The following ASXL3 variants were observed in gnomAD, a reference collection of about 807,000 sequenced individuals.
The protein encoded by ASXL3 is putative Polycomb group protein ASXL3.
Under a neutral mutation model 170.6 loss-of-function variants are expected in ASXL3, and 34 were observed. That is an observed-to-expected ratio of 0.20 (90% CI 0.15 to 0.27). ASXL3 has a LOEUF of 0.27. ASXL3 is among the 10% of genes least tolerant of loss of function. ASXL3 has a pLI of 1.00. For missense variants in ASXL3, 2,592 were observed against 2,695.3 expected, an observed-to-expected ratio of 0.96 and a Z score of 0.85; for synonymous variants, 1,002 against 989.1, an observed-to-expected ratio of 1.01 and a Z score of -0.24.
chr18:33,635,770 A>G (rs1007761088), intron 2 of ASXL3, among the ~76,000 whole-genome samples: 1 of 152,214 alleles, frequency 6.6e-6, no homozygotes, highest in Non-Finnish European at 1.5e-5. Context: ...TGGTATATAG[A>G]GTCCTTCACA....
At chr18:33,671,462 C>T (rs376348186) in intron 6 of ASXL3, among the ~76,000 whole-genome samples, 1 of 152,102 alleles carries the variant, frequency 6.6e-6, no homozygotes, top group African/African-American at 2.4e-5. Flanking sequence ...CAAGCTTATT[C>T]GTGTATTTTA....
intron 1 of ASXL3, among the ~76,000 whole-genome samples, chr18:33,599,683 T>TA (rs2065164346): frequency 6.6e-6 from 1 of 152,198 alleles, no homozygotes; most frequent in East Asian, 1.9e-4. Context: ...TTGGGGCATG[T>TA]AGAAATCCAG....
intron 2 of ASXL3, chr18:33,614,594 T>C (rs2065390690): frequency 6.6e-6 from 1 of 152,164 alleles, no homozygotes; most frequent in Non-Finnish European, 1.5e-5. Flanking sequence ...TTCAATTCAC[T>C]TTCCTCAGAT....
intron 2 of ASXL3, among the ~76,000 whole-genome samples, chr18:33,632,625 G>C (rs1217607141): frequency 6.6e-6 from 1 of 151,972 alleles, no homozygotes; most frequent in East Asian, 1.9e-4. Flanking sequence ...CAGTGTCTTT[G>C]TCCAAAAAGC....
Position 33,578,505 on chromosome 18 carries a change from C to CA in ASXL3, c.-127_-126insA. 2.4e-6 allele frequency: 1 copy of CA among 418,232 alleles called. No homozygotes were observed. The highest frequency in any genetic ancestry group is 3.4e-6 in the Non-Finnish European group (1 of 291,500). 25.9% of individuals were successfully genotyped at this position (418,232 alleles called of 1,614,324 possible). A position where few individuals can be genotyped will look rare whatever the true frequency, so the allele number is the denominator to read the frequency against. On this transcript the variant is annotated 5_prime_UTR_variant, in exon 1 of 12. Transcript: ENST00000269197. ...CCGCCGCCGCCGCCGCCGCCACCGC[C>CA]CGCGCGCCTCCCCCCGCGGAGCGAG... is the stretch of plus-strand genomic sequence containing the variant.
chr18:33,646,234 A>G lies in ASXL3; in HGVS notation c.247-11A>G, dbSNP rs1167093009. The G allele has an allele frequency of 6.2e-7, 1 of 1,606,326 alleles. No individual in the cohort carries two copies. The highest frequency in any genetic ancestry group is 8.5e-7 in the Non-Finnish European group (1 of 1,174,918). ...CTTCTCCATAAATCATCACTTTTCAAAATAATACAGAAAGAGGAGTCGTCA... is the reference window on the plus strand; with the variant it reads ...CTTCTCCATAAATCATCACTTTTCAGAATAATACAGAAAGAGGAGTCGTCA... On this transcript the variant is annotated splice_polypyrimidine_tract_variant and intron_variant, in intron 3 of 11. Coordinates refer to ENST00000269197, the MANE Select transcript of ASXL3 (RefSeq NM_030632.3).
intron 1 of ASXL3, among the ~76,000 whole-genome samples, chr18:33,590,111 G>GTTTTTTTTTTTGTTTTTTTTTTT (rs2065064686): frequency 7.2e-5 from 6 of 83,182 alleles, no homozygotes; most frequent in Admixed American, 1.2e-4. Flanking sequence ...TGCTTTCTAT[G>GTTTTTTTTTTTGTTTTTTTTTTT]TTTTTTTTTT....
chr18:33,692,200 C>A (rs1431872802), intron 8 of ASXL3, among the ~76,000 whole-genome samples: 2 of 152,166 alleles, frequency 1.3e-5, no homozygotes, highest in Admixed American at 6.5e-5. Context: ...CTTAGAACAG[C>A]ATTTTTTAAA....
chr18:33,654,785 C>T (rs2066057520), intron 4 of ASXL3, among the ~76,000 whole-genome samples: 2 of 152,070 alleles, frequency 1.3e-5, no homozygotes, highest in South Asian at 4.1e-4. Flanking sequence ...CTTGTTGGTT[C>T]TATGGTAGGA....
At chr18:33,633,579 C>T (rs1004952563) in intron 2 of ASXL3, among the ~76,000 whole-genome samples, 2 of 152,114 alleles carry the variant, frequency 1.3e-5, no homozygotes, top group African/African-American at 4.8e-5. Flanking sequence ...CGCGGTGGCT[C>T]ATGCCTGTAA....
intron 2 of ASXL3, among the ~76,000 whole-genome samples, chr18:33,641,489 T>C (rs1164312421): frequency 6.6e-6 from 1 of 152,046 alleles, no homozygotes; most frequent in African/African-American, 2.4e-5. Flanking sequence ...AAGAAAAGAA[T>C]TGGGGACAAA....
chr18:33,739,343 A>T lies in ASXL3; in HGVS notation c.1939A>T (p.Thr647Ser). 6.2e-7 allele frequency: 1 copy of T among 1,613,662 alleles called. No individual in the cohort carries two copies. The highest frequency in any genetic ancestry group is 1.1e-5 in the South Asian group (1 of 91,036). ...ATCATGTACTCCAGCCTCCCTTGAG[A>T]CAACATTTTGTTCTGAGGTATCTAG... ...EESCTPASLE[T>S]TFCSEVSSTE... Residue 647 changes from threonine to serine, a missense_variant, in exon 11 of 12, where the codon ACA becomes TCA. By Grantham distance (58) the Thr-to-Ser change is moderately conservative. This residue lies in a region of ASXL3 where 2,246 missense variants were observed against 2,219.6 expected (regional missense o/e 1.01). Coordinates refer to ENST00000269197, the MANE Select transcript of ASXL3 (RefSeq NM_030632.3).
intron 8 of ASXL3, among the ~76,000 whole-genome samples, chr18:33,711,936 A>ATG (rs1403891173): frequency 9.2e-5 from 14 of 152,346 alleles, no homozygotes; most frequent in African/African-American, 3.4e-4. Context: ...GTCATAAAAT[A>ATG]TGCAATCTTT....
chr18:33,684,958 T>C (rs889317729), intron 8 of ASXL3, among the ~76,000 whole-genome samples: 3 of 152,062 alleles, frequency 2.0e-5, no homozygotes, highest in Non-Finnish European at 2.9e-5. Context: ...GAAGTCTGGA[T>C]TGTAGGAAGA....
chr18:33,686,415 A>G (rs1302907514), intron 8 of ASXL3, among the ~76,000 whole-genome samples: 2 of 152,238 alleles, frequency 1.3e-5, no homozygotes, highest in Non-Finnish European at 2.9e-5. Flanking sequence ...ATGTCATAAT[A>G]GAAGTATGAA....
At chr18:33,607,032 A>G (rs1034464702) in intron 1 of ASXL3, among the ~76,000 whole-genome samples, 5 of 151,996 alleles carry the variant, frequency 3.3e-5, no homozygotes, top group African/African-American at 1.2e-4. Context: ...GGAAGAGGAA[A>G]GGGCTTACTT....
At chr18:33,603,692 A>G (rs901637049) in intron 1 of ASXL3, among the ~76,000 whole-genome samples, 8 of 152,014 alleles carry the variant, frequency 5.3e-5, no homozygotes, top group African/African-American at 9.7e-5. Context: ...GTGGAGAGCA[A>G]TGTTGAATTT....
chr18:33,654,373 A>G lies in ASXL3; in HGVS notation c.356-7243A>G, dbSNP rs114172676. 4.6e-3 allele frequency among the ~76,000 whole-genome samples: 695 copies of G among 152,210 alleles called. 4 individuals carry two copies. Among genetic ancestry groups the G allele is most frequent in the African/African-American group, 0.016 (655 of 41,550 alleles). On this transcript the variant is annotated intron_variant, in intron 4 of 11. Coordinates refer to ENST00000269197, the MANE Select transcript of ASXL3 (RefSeq NM_030632.3). Reference sequence around the variant, plus strand: ...TGAACAAAACACTCATGTTCTTTAAAAAAAGTACTTTTTCATTGATGCCAG... The same window carrying G: ...TGAACAAAACACTCATGTTCTTTAAGAAAAGTACTTTTTCATTGATGCCAG...
chr18:33,588,161 A>T lies in ASXL3; in HGVS notation c.54+9476A>T, dbSNP rs376698340. Among the ~76,000 whole-genome samples, 6 of 152,228 alleles carry T rather than the reference A, an allele frequency of 3.9e-5. No homozygotes were observed. In the East Asian group the frequency reaches 9.7e-4, roughly 25 times the overall value. ...TCACTGTTAGTCTATGAATTATTTGAAGTATTTTAAGATTTCCCTTAACAT... is the reference window on the plus strand; with the variant it reads ...TCACTGTTAGTCTATGAATTATTTGTAGTATTTTAAGATTTCCCTTAACAT... On this transcript the variant is annotated intron_variant, in intron 1 of 11. Transcript: ENST00000269197.
Sources: gnomAD v4.1 joint callset for allele counts (sites outside exome capture counted in the v4.1 genomes callset) on GRCh38, gnomAD v4.1.1 for gene constraint, gnomAD v4.1.1 regional missense constraint, MANE v1.5 for transcripts, NCBI Gene and HGNC (gene_info 2026-07-23, HGNC 2026-07-21) for gene names.